The following GLIS3 variants were observed in gnomAD, a reference collection of about 807,000 sequenced individuals.
GLIS3 encodes the protein zinc finger protein GLIS3.
Under a neutral mutation model 78.6 loss-of-function variants are expected in GLIS3, and 53 were observed. The observed-to-expected ratio is 0.67, with a 90% CI of 0.54 to 0.85. GLIS3 has a LOEUF of 0.85. Ranked by LOEUF, GLIS3 falls within the 40% of genes least tolerant of loss-of-function variation. The probability of loss-of-function intolerance (pLI) is 0.00; values close to 1 mark genes in which losing one functional copy is unlikely to be tolerated. For missense variants in GLIS3, 1,703 were observed against 1,231.1 expected (o/e 1.38, Z -5.74); for synonymous variants, 684 against 509.9 (o/e 1.34, Z -4.60).
intron 2 of GLIS3, among the ~76,000 whole-genome samples, chr9:4,128,671 A>C (rs1832747899): frequency 1.3e-5 from 2 of 152,190 alleles, no homozygotes; most frequent in Admixed American, 1.3e-4. Flanking sequence ...CTAGATCTGA[A>C]TGGAATATGA....
intron 4 of GLIS3, among the ~76,000 whole-genome samples, chr9:4,106,407 G>C (rs778652019): frequency 2.0e-5 from 3 of 152,166 alleles, no homozygotes; most frequent in Non-Finnish European, 4.4e-5. Flanking sequence ...AATGCCGGTA[G>C]AACACTGAGA....
chr9:4,391,515 C>T, the GLIS3 span, among the ~76,000 whole-genome samples: 7 of 151,658 alleles, frequency 4.6e-5, no homozygotes, highest in African/African-American at 1.7e-4. Context: ...CAAGTAGTTT[C>T]TTCCTCATTG....
chr9:4,416,229 G>T, the GLIS3 span, among the ~76,000 whole-genome samples: 1 of 118,934 alleles, frequency 8.4e-6, no homozygotes, highest in African/African-American at 3.3e-5. Context: ...TCTGGCCTGA[G>T]TGAGAGAGTG....
chr9:4,105,428 C>G (rs988768754), intron 4 of GLIS3, among the ~76,000 whole-genome samples: 5 of 152,124 alleles, frequency 3.3e-5, no homozygotes, highest in Admixed American at 6.5e-5. Flanking sequence ...CTTTATTTTT[C>G]CTTTTTGGCA....
At chr9:4,136,196 A>G (rs929139439) in intron 2 of GLIS3, among the ~76,000 whole-genome samples, 1 of 152,204 alleles carries the variant, frequency 6.6e-6, no homozygotes, top group African/African-American at 2.4e-5. Context: ...CTCTGAAGAG[A>G]TAAGATATAC....
intron 4 of GLIS3, among the ~76,000 whole-genome samples, chr9:4,042,762 G>A (rs180845979): frequency 4.7e-4 from 71 of 152,220 alleles, no homozygotes; most frequent in Non-Finnish European, 9.1e-4. Context: ...GTATTCTTTG[G>A]AAAACAATAT....
At chr9:4,172,078 T>C (rs1816421551) in intron 2 of GLIS3, among the ~76,000 whole-genome samples, 4 of 152,182 alleles carry the variant, frequency 2.6e-5, no homozygotes, top group Admixed American at 2.6e-4. Flanking sequence ...AGTTCTTATA[T>C]TTAAGGCTAT....
intron 2 of GLIS3, among the ~76,000 whole-genome samples, chr9:4,340,923 T>A (rs1416132445): frequency 6.6e-6 from 1 of 152,170 alleles, no homozygotes; most frequent in African/African-American, 2.4e-5. Flanking sequence ...CTCAAACACC[T>A]GCCTCGGCCT....
chr9:4,260,399 T>C (rs1825402134), intron 2 of GLIS3, among the ~76,000 whole-genome samples: 1 of 151,926 alleles, frequency 6.6e-6, no homozygotes, highest in African/African-American at 2.4e-5. Context: ...ACCCCAACTC[T>C]ACTAAAAAAA....
intron 1 of GLIS3, among the ~76,000 whole-genome samples, chr9:4,290,068 A>G (rs570422933): frequency 1.3e-5 from 2 of 152,272 alleles, no homozygotes; most frequent in South Asian, 4.1e-4. Context: ...TAACTCATCC[A>G]TTCCAGAAAA....
chr9:4,470,967 A>T, the GLIS3 span, among the ~76,000 whole-genome samples: 512 of 151,960 alleles, frequency 3.4e-3, 4 homozygotes, highest in African/African-American at 0.012. Context: ...AATAACAGAC[A>T]AACAGAGAGC....
chr9:4,065,993 T>C (rs1156481338), intron 4 of GLIS3, among the ~76,000 whole-genome samples: 1 of 147,160 alleles, frequency 6.8e-6, no homozygotes, highest in African/African-American at 2.5e-5. Flanking sequence ...CATAAATATA[T>C]CGCTCTGCCT....
At chr9:4,478,625 T>C in the GLIS3 span, among the ~76,000 whole-genome samples, 1 of 150,166 alleles carries the variant, frequency 6.7e-6, no homozygotes, top group Non-Finnish European at 1.5e-5. Flanking sequence ...AAAACATCAG[T>C]AGTCACCTTT....
chr9:4,373,835 T>G, the GLIS3 span, among the ~76,000 whole-genome samples: 1 of 151,950 alleles, frequency 6.6e-6, no homozygotes, highest in South Asian at 2.1e-4. Context: ...GCCCAGTTAA[T>G]TTTTGTATTT....
At chr9:4,480,205 T>C in the GLIS3 span, among the ~76,000 whole-genome samples, 48 of 143,642 alleles carry the variant, frequency 3.3e-4, no homozygotes, top group South Asian at 8.1e-3. Flanking sequence ...GCTTTCTTTT[T>C]TTTTTTTTTT....
the GLIS3 span, among the ~76,000 whole-genome samples, chr9:4,379,911 T>C: frequency 1.3e-5 from 2 of 152,230 alleles, no homozygotes; most frequent in Admixed American, 6.5e-5. Flanking sequence ...TGTTTTAGCA[T>C]AGACATCAAA....
chr9:4,311,398 G>C (rs1817354093), intron 2 of GLIS3, among the ~76,000 whole-genome samples: 1 of 152,168 alleles, frequency 6.6e-6, no homozygotes, highest in Non-Finnish European at 1.5e-5. Context: ...GACAGAGCAA[G>C]ACTCTGTCTC....
intron 2 of GLIS3, among the ~76,000 whole-genome samples, chr9:4,228,799 G>T (rs1252674230): frequency 6.6e-6 from 1 of 152,164 alleles, no homozygotes; most frequent in Non-Finnish European, 1.5e-5. Context: ...GCCACCTATT[G>T]TTGAAAACAC....
intron 2 of GLIS3, among the ~76,000 whole-genome samples, chr9:4,234,574 T>A (rs561844368): frequency 9.4e-4 from 143 of 152,304 alleles, no homozygotes; most frequent in African/African-American, 3.4e-3. Context: ...GTAATAGATA[T>A]TATAATAACA....
Sources: gnomAD v4.1 joint callset for allele counts (sites outside exome capture counted in the v4.1 genomes callset) on GRCh38, gnomAD v4.1.1 for gene constraint, MANE v1.5 for transcripts, NCBI Gene and HGNC (gene_info 2026-07-23, HGNC 2026-07-21) for gene names.